Variants in MADD observed in about 807,000 individuals in gnomAD.
The protein encoded by MADD is MAP kinase-activating death domain protein.
Under a neutral mutation model 176.7 loss-of-function variants are expected in MADD, and 109 were observed. The ratio of observed to expected loss-of-function variants is 0.62; its 90% CI spans 0.53 to 0.72. The LOEUF is 0.72. MADD is among the 30% of genes least tolerant of loss of function. The pLI, the probability that MADD is intolerant of heterozygous loss-of-function variation, is 0.00. For synonymous variants in MADD, 771 were observed against 771.3 expected (o/e 1.00, Z 0.01); for missense variants, 1,914 against 2,045.5 (o/e 0.94, Z 1.24).
At position 47,276,881 on chromosome 11, in the gene MADD, T is replaced by C. The variant is rs1446508101; in HGVS notation, c.1095+18T>C. The C allele has an allele frequency of 1.2e-6, 2 of 1,613,240 alleles. No individual in the cohort carries two copies. Among genetic ancestry groups the C allele is most frequent in the Non-Finnish European group, 1.7e-6 (2 of 1,179,742 alleles). On this transcript the variant is annotated intron_variant, in intron 5 of 32. Coordinates refer to ENST00000402192, the Ensembl canonical transcript of MADD. Reference sequence around the variant, plus strand: ...CAGAGCAGGTGAGTCTCAAGGCGACTTCCGGCTTTCTCACCTCTGTCTTCC... The same window carrying C: ...CAGAGCAGGTGAGTCTCAAGGCGACCTCCGGCTTTCTCACCTCTGTCTTCC...
chr11:47,284,868 C>T, intron 12 of MADD, 73 bp from the exon 13 acceptor site: 1 of 1,583,664 alleles, frequency 6.3e-7, no homozygotes, highest in Middle Eastern at 1.7e-4. Context: ...CTGGTCCAGC[C>T]CTGCCAAACT....
At chr11:47,273,681 ACGAGGCTAGGC>A (rs2047078574) in intron 1 of MADD, 135 bp from the exon 2 acceptor site, 7 of 449,614 alleles carry the variant, frequency 1.6e-5, no homozygotes, top group Non-Finnish European at 2.9e-5. Flanking sequence ...GAGCCTAGAC[ACGAGGCTAGGC>A]AAGCGTCAAG....
intron 1 of MADD, among the ~76,000 whole-genome samples, chr11:47,271,765 A>G (rs1171136744): frequency 1.3e-5 from 2 of 151,910 alleles, no homozygotes; most frequent in Non-Finnish European, 2.9e-5. Flanking sequence ...GGTTAACTAC[A>G]TAATTCTTTA....
intron 15 of MADD, among the ~76,000 whole-genome samples, chr11:47,287,064 G>T (rs922920551): frequency 6.6e-6 from 1 of 152,204 alleles, no homozygotes; most frequent in Non-Finnish European, 1.5e-5. Context: ...GGTGGCTCAC[G>T]CCTGTAATCC....
At chr11:47,329,294 C>A (rs148916705) in exon 33 of MADD, 6 of 668,100 alleles carry the variant, frequency 9.0e-6, no homozygotes, top group Non-Finnish European at 1.6e-5. Flanking sequence ...GGTTGGTTAC[C>A]GGTTATGTGT....
At chr11:47,311,665 C>A (rs1205773948) in intron 25 of MADD, 67 bp from the exon 29 acceptor site, 1 of 989,062 alleles carries the variant, frequency 1.0e-6, no homozygotes, top group Non-Finnish European at 1.6e-6. Context: ...CTTGTACATT[C>A]TCTTTTCTCT....
rs1464598181 is a variant in MADD, at chr11:47,328,719, C to T, written c.4659+15C>T. 5 of 1,614,134 alleles carry T rather than the reference C, an allele frequency of 3.1e-6. No homozygotes were observed. Among genetic ancestry groups the T allele is most frequent in the African/African-American group, 1.3e-5 (1 of 75,062 alleles). On this transcript the variant is annotated intron_variant, in intron 32 of 32. Coordinates refer to ENST00000402192, the Ensembl canonical transcript of MADD. ...AGACACCAATGGTGAGTGTGCCGCT[C>T]AACCCTGATGGGCCACGGTGCGCAG...
exon 10 of MADD, chr11:47,282,966 A>G (rs951280975): frequency 1.2e-6 from 2 of 1,613,274 alleles, no homozygotes; most frequent in Non-Finnish European, 1.7e-6. Context: ...CCTACTGATG[A>G]TAGGTGAGCA....
intron 1 of MADD, among the ~76,000 whole-genome samples, chr11:47,272,580 G>A (rs919871051): frequency 2.0e-5 from 3 of 152,204 alleles, no homozygotes; most frequent in Non-Finnish European, 4.4e-5. Context: ...CTAGAAATAT[G>A]AGAAAAGAAC....
At chr11:47,307,430 T>A (rs1012790057) in intron 22 of MADD, among the ~76,000 whole-genome samples, 2 of 152,080 alleles carry the variant, frequency 1.3e-5, no homozygotes, top group Non-Finnish European at 2.9e-5. Context: ...CGACCTAAAT[T>A]TTTTTGCTCA....
At chr11:47,316,837 G>A (rs1392438216) in intron 27 of MADD, among the ~76,000 whole-genome samples, 6 of 151,892 alleles carry the variant, frequency 4.0e-5, no homozygotes, top group Admixed American at 3.9e-4. Context: ...TCTGCCCCTT[G>A]GGTTCAAGTG....
chr11:47,289,594 T>C, intron 16 of MADD, 101 bp downstream of exon 17: 1 of 960,382 alleles, frequency 1.0e-6, no homozygotes, highest in Non-Finnish European at 1.7e-6. Flanking sequence ...AAGCTCTCAA[T>C]GGGGTAGATG....
chr11:47,287,883 C>T (rs183519553), intron 15 of MADD, among the ~76,000 whole-genome samples: 29 of 150,236 alleles, frequency 1.9e-4, no homozygotes, highest in African/African-American at 3.4e-4. Flanking sequence ...CTCCGCCTCC[C>T]GGGTTCACAC....
intron 31 of MADD, chr11:47,327,245 C>CA: frequency 1.0e-6 from 1 of 995,526 alleles, no homozygotes; most frequent in Non-Finnish European, 1.2e-6. Context: ...CTGTGCCAGA[C>CA]AAAGGGGCAC....
intron 27 of MADD, among the ~76,000 whole-genome samples, chr11:47,315,561 G>T (rs1381544017): frequency 6.7e-6 from 1 of 148,668 alleles, no homozygotes; most frequent in Admixed American, 6.7e-5. Flanking sequence ...TGCAACCTCC[G>T]CCTCCCGGGT....
chr11:47,275,207 A>G (rs373129330), intron 3 of MADD, 48 bp downstream of exon 3: 5 of 1,521,398 alleles, frequency 3.3e-6, no homozygotes, highest in East Asian at 2.3e-5. Context: ...TAGAGATTCC[A>G]TGTAATTGGT....
chr11:47,300,037 T>C (rs1276713471), intron 22 of MADD, among the ~76,000 whole-genome samples: 2 of 152,160 alleles, frequency 1.3e-5, no homozygotes, highest in East Asian at 3.8e-4. Context: ...ATGACTTTTA[T>C]TGTTTTGAGG....
exon 12 of MADD, chr11:47,284,380 G>A: frequency 1.2e-6 from 2 of 1,614,158 alleles, no homozygotes; most frequent in Non-Finnish European, 1.7e-6. Context: ...GGCAGATGTG[G>A]ACCCTCTGAC....
chr11:47,327,158 G>A (rs1019863256), intron 31 of MADD: 155 of 1,040,206 alleles, frequency 1.5e-4, no homozygotes, highest in Non-Finnish European at 1.7e-4. Context: ...CTATGTCCAT[G>A]TCACCTGCTG....
Sources: gnomAD v4.1 joint callset for allele counts (sites outside exome capture counted in the v4.1 genomes callset) on GRCh38, gnomAD v4.1.1 for gene constraint, MANE v1.5 for transcripts, NCBI Gene and HGNC (gene_info 2026-07-23, HGNC 2026-07-21) for gene names.